Variants in GNG12 observed in about 807,000 individuals in gnomAD.
The protein encoded by GNG12 is G protein subunit gamma 12, also known as guanine nucleotide-binding protein G(I)/G(S)/G(O) subunit gamma-12.
For synonymous variants in GNG12, 28 were observed against 29.7 expected (o/e 0.94, Z 0.19); for missense variants, 69 against 83.8 (o/e 0.82, Z 0.69).
At chr1:67,706,804 C>T (rs115994921) in intron 3 of GNG12, among the ~76,000 whole-genome samples, 6,819 of 151,812 alleles carry the variant, frequency 0.045, 237 homozygotes, top group Non-Finnish European at 0.049. Flanking sequence ...TATAGGCGTG[C>T]GCACGCCACC....
intron 2 of GNG12, among the ~76,000 whole-genome samples, chr1:67,753,363 A>C (rs995643956): frequency 1.3e-5 from 2 of 151,962 alleles, no homozygotes; most frequent in African/African-American, 4.8e-5. Flanking sequence ...GAAAAAAAAA[A>C]AACCTGAAAT....
intron 1 of GNG12, among the ~76,000 whole-genome samples, chr1:67,779,010 G>A (rs1488640469): frequency 1.3e-5 from 2 of 152,170 alleles, no homozygotes; most frequent in South Asian, 2.1e-4. Flanking sequence ...TTGTCTGGAT[G>A]ACCAAAGTGG....
chr1:67,755,997 G>A (rs768671899), intron 2 of GNG12, among the ~76,000 whole-genome samples: 1 of 152,148 alleles, frequency 6.6e-6, no homozygotes, highest in Non-Finnish European at 1.5e-5. Flanking sequence ...GAGCAGCAGA[G>A]CTGCCCACTG....
intron 1 of GNG12, among the ~76,000 whole-genome samples, chr1:67,785,648 T>TA (rs1456181180): frequency 5.9e-5 from 9 of 152,160 alleles, no homozygotes; most frequent in Non-Finnish European, 1.2e-4. Context: ...AACAGTTTTT[T>TA]AAAAAATGTA....
chr1:67,705,011 C>G lies in GNG12; in HGVS notation c.*440G>C, dbSNP rs560953122. Reference sequence around the variant, plus strand: ...TATATATATACACACAAACACCCCTCTCTCTTATATACTATACAGGCTGGC... The same window carrying G: ...TATATATATACACACAAACACCCCTGTCTCTTATATACTATACAGGCTGGC... On this transcript the variant is annotated 3_prime_UTR_variant, in exon 4 of 4. Coordinates refer to ENST00000370982, the MANE Select transcript of GNG12 (RefSeq NM_018841.6). 6.5e-6 allele frequency: 1 copy of G among 153,912 alleles called. No individual in the cohort carries two copies. The highest frequency in any genetic ancestry group is 2.4e-5 in the African/African-American group (1 of 41,562). 9.5% of individuals were successfully genotyped at this position (153,912 alleles called of 1,614,324 possible).
At position 67,736,559 on chromosome 1, in the gene GNG12, A is replaced by G. The variant is rs571616206; in HGVS notation, c.-26-28847T>C. 2.0e-5 allele frequency among the ~76,000 whole-genome samples: 3 copies of G among 152,284 alleles called. No individual in the cohort carries two copies. The South Asian group carries it at 6.2e-4, about 32-fold the overall frequency. On this transcript the variant is annotated intron_variant, in intron 2 of 3. Transcript: ENST00000370982. ...GCAGGGATGCGTGAGTAATGGAGTC[A>G]CCAGGGCAGCCTCTCAGTGGAACAT...
At chr1:67,768,714 T>C (rs1342888110) in intron 2 of GNG12, among the ~76,000 whole-genome samples, 1 of 152,230 alleles carries the variant, frequency 6.6e-6, no homozygotes, top group Non-Finnish European at 1.5e-5. Flanking sequence ...ACCGTAACCA[T>C]GTTCAAAGTG....
chr1:67,704,005 G>A lies in GNG12; in HGVS notation c.*1446C>T, dbSNP rs1646230087. The A allele has an allele frequency of 6.6e-6, 1 of 152,240 alleles. No individual in the cohort carries two copies. Among genetic ancestry groups the A allele is most frequent in the South Asian group, 2.1e-4 (1 of 4,830 alleles). 9.4% of individuals were successfully genotyped at this position (152,240 alleles called of 1,614,324 possible). On this transcript the variant is annotated 3_prime_UTR_variant, in exon 4 of 4. Transcript: ENST00000370982. ...GAAGAATTAAAGCATCAAAGGCCTA[G>A]TGTATGATTTGACTCCGAAGTGACC...
At chr1:67,739,926 A>T (rs1190187255) in intron 2 of GNG12, among the ~76,000 whole-genome samples, 2 of 152,258 alleles carry the variant, frequency 1.3e-5, no homozygotes, top group Non-Finnish European at 1.5e-5. Flanking sequence ...GAACACAGGG[A>T]ATTTATCCTA....
chr1:67,808,273 T>TA (rs1304673407), intron 1 of GNG12, among the ~76,000 whole-genome samples: 2 of 151,612 alleles, frequency 1.3e-5, no homozygotes, highest in African/African-American at 2.4e-5. Flanking sequence ...GATTTTTTTT[T>TA]AAAAAAACTA....
At chr1:67,819,088 A>G (rs769970623) in intron 1 of GNG12, among the ~76,000 whole-genome samples, 10 of 152,198 alleles carry the variant, frequency 6.6e-5, no homozygotes, top group Non-Finnish European at 1.3e-4. Flanking sequence ...AGGAAGCCAC[A>G]ACAACAATCC....
chr1:67,719,920 A>G (rs1312636296), intron 2 of GNG12, among the ~76,000 whole-genome samples: 1 of 152,184 alleles, frequency 6.6e-6, no homozygotes, highest in Non-Finnish European at 1.5e-5. Flanking sequence ...TTAAAACTGG[A>G]TTAGATTAAG....
At chr1:67,820,553 C>T (rs996655958) in intron 1 of GNG12, among the ~76,000 whole-genome samples, 19 of 152,184 alleles carry the variant, frequency 1.2e-4, no homozygotes, top group Admixed American at 9.8e-4. Flanking sequence ...TTCCTCCAGA[C>T]CACCTGGCGG....
In GNG12 at chr1:67,705,137, G is replaced by T; in HGVS notation, c.*314C>A. The T allele has an allele frequency of 5.4e-6, 1 of 186,802 alleles. No homozygotes were observed. Among genetic ancestry groups the T allele is most frequent in the South Asian group, 1.3e-4 (1 of 7,460 alleles). 11.6% of individuals were successfully genotyped at this position (186,802 alleles called of 1,614,324 possible). ...TAGGCCATTTAGGTCCTGACATATCGGAATCCCTTGTATTTCTAAAGTATA... is the reference window on the plus strand; with the variant it reads ...TAGGCCATTTAGGTCCTGACATATCTGAATCCCTTGTATTTCTAAAGTATA... On this transcript the variant is annotated 3_prime_UTR_variant, in exon 4 of 4. Coordinates refer to ENST00000370982, the MANE Select transcript of GNG12 (RefSeq NM_018841.6).
chr1:67,775,737 C>A lies in GNG12; in HGVS notation c.-27+1721G>T, dbSNP rs181954769. On this transcript the variant is annotated intron_variant, in intron 2 of 3. Coordinates refer to ENST00000370982, the MANE Select transcript of GNG12 (RefSeq NM_018841.6). Reference sequence around the variant, plus strand: ...GACTAAACAAGTGAAAAAGAGTGAGCCAAAGAAGGCACTGTTTGGCTTTGA... The same window carrying A: ...GACTAAACAAGTGAAAAAGAGTGAGACAAAGAAGGCACTGTTTGGCTTTGA... 3.0e-4 allele frequency among the ~76,000 whole-genome samples: 46 copies of A among 152,248 alleles called. No homozygotes were observed. In the East Asian group the frequency reaches 8.1e-3, roughly 27 times the overall value.
At chr1:67,813,824 A>T (rs1352429591) in intron 1 of GNG12, among the ~76,000 whole-genome samples, 1 of 152,148 alleles carries the variant, frequency 6.6e-6, no homozygotes, top group Non-Finnish European at 1.5e-5. Context: ...CAATTAAATT[A>T]AGTTCCAATT....
chr1:67,712,093 C>G (rs539684484), intron 2 of GNG12, among the ~76,000 whole-genome samples: 1 of 152,334 alleles, frequency 6.6e-6, no homozygotes, highest in South Asian at 2.1e-4. Context: ...AACAGCTGGG[C>G]TGTGCACAAC....
At chr1:67,771,203 GAGTC>G (rs1398851402) in intron 2 of GNG12, among the ~76,000 whole-genome samples, 1 of 152,244 alleles carries the variant, frequency 6.6e-6, no homozygotes, top group Non-Finnish European at 1.5e-5. Context: ...TATGACTGGT[GAGTC>G]ACATTGTACA....
chr1:67,768,906 T>C (rs77333524), intron 2 of GNG12, among the ~76,000 whole-genome samples: 2,557 of 152,298 alleles, frequency 0.017, 61 homozygotes, highest in African/African-American at 0.058. Context: ...GCCAAGAGAA[T>C]ATAGATGAAC....
Sources: allele counts gnomAD v4.1 joint callset (sites outside exome capture counted in the v4.1 genomes callset), GRCh38; gene constraint gnomAD v4.1.1; transcripts MANE v1.5; gene names NCBI Gene and HGNC (gene_info 2026-07-23, HGNC 2026-07-21).